Variants in STX19 observed in about 807,000 individuals in gnomAD.
The protein encoded by STX19 is syntaxin-19.
A neutral mutation model predicts 24.3 loss-of-function variants in STX19; 26 were observed. The ratio of observed to expected loss-of-function variants is 1.07; its 90% confidence interval spans 0.78 to 1.48. STX19 has a LOEUF of 1.48. Ranked by LOEUF, STX19 falls within the 40% of genes most tolerant of loss-of-function variation. STX19 has a pLI of 0.00. For missense variants in STX19, 367 were observed against 331.9 expected (o/e 1.11, Z -0.82); for synonymous variants, 116 against 106.9 (o/e 1.09, Z -0.52).
At chr3:94,026,175 A>G (rs1212119802) in intron 1 of STX19, among the ~76,000 whole-genome samples, 1 of 152,022 alleles carries the variant, frequency 6.6e-6, no homozygotes, top group Non-Finnish European at 1.5e-5. Flanking sequence ...GCCCGCCACC[A>G]CACCCGACTA....
At chr3:94,019,638 G>A (rs1377744185) in intron 1 of STX19, among the ~76,000 whole-genome samples, 1 of 146,602 alleles carries the variant, frequency 6.8e-6, no homozygotes, top group Admixed American at 7.0e-5. Flanking sequence ...GAGTTAAAAT[G>A]TAGGTCAGAC....
chr3:94,015,538 C>G (rs991866942), intron 1 of STX19, among the ~76,000 whole-genome samples: 1 of 152,120 alleles, frequency 6.6e-6, no homozygotes, highest in Admixed American at 6.5e-5. Context: ...AGCAGTGATG[C>G]AGACACAGTT....
chr3:94,016,476 T>C (rs2076335550), intron 1 of STX19, among the ~76,000 whole-genome samples: 1 of 152,104 alleles, frequency 6.6e-6, no homozygotes, highest in South Asian at 2.1e-4. Flanking sequence ...GATTCAAATA[T>C]TAAAATAGTG....
At chr3:94,025,748 A>G (rs993990780) in intron 1 of STX19, among the ~76,000 whole-genome samples, 3 of 152,122 alleles carry the variant, frequency 2.0e-5, no homozygotes, top group Non-Finnish European at 2.9e-5. Flanking sequence ...ATTTTTCTCT[A>G]GTGATTTTTA....
chr3:94,022,050 A>T (rs2076460437), intron 1 of STX19, among the ~76,000 whole-genome samples: 1 of 152,048 alleles, frequency 6.6e-6, no homozygotes, highest in African/African-American at 2.4e-5. Context: ...TCAGCTCCTT[A>T]GCTATATGTT....
chr3:94,024,083 G>C (rs559332659), intron 1 of STX19, among the ~76,000 whole-genome samples: 145 of 152,178 alleles, frequency 9.5e-4, no homozygotes, highest in South Asian at 2.5e-3. Flanking sequence ...CCAAATTTCT[G>C]TTTCCTTCTC....
chr3:94,024,658 T>A (rs976630012), intron 1 of STX19, among the ~76,000 whole-genome samples: 1 of 152,184 alleles, frequency 6.6e-6, no homozygotes, highest in Non-Finnish European at 1.5e-5. Flanking sequence ...CAATTGCGGC[T>A]CACTGCAGCC....
At position 94,014,650 on chromosome 3, in the gene STX19, G is replaced by A. The variant is rs1305517992; in HGVS notation, c.620C>T (p.Ala207Val). ...TCTCTGTTCAATCTCTGAAAGTTGT[G>A]CTTTAGTGATATTGATTTCTGTAAG... ...SLLTEINITKAQLSEIEQRHK... is the reference protein window; with the variant it reads ...SLLTEINITKVQLSEIEQRHK... Residue 207 changes from alanine (A) to valine (V), a missense_variant, in exon 2 of 2, where the codon GCA (alanine) becomes GTA (valine). Ala to Val is a moderately conservative substitution (Grantham distance 64, BLOSUM62 0). Transcript: ENST00000315099. 15 of 1,613,534 alleles carry A rather than the reference G, an allele frequency of 9.3e-6. No homozygotes were observed. The South Asian group carries it at 1.4e-4, about 15-fold the overall frequency.
intron 1 of STX19, among the ~76,000 whole-genome samples, chr3:94,016,028 GTAA>G (rs1481789601): frequency 3.3e-5 from 5 of 152,018 alleles, no homozygotes; most frequent in Non-Finnish European, 5.9e-5. Flanking sequence ...TATTTTAGGA[GTAA>G]TAATGATATT....
chr3:94,016,545 T>A lies in STX19; in HGVS notation c.-13-1263A>T, dbSNP rs569425847. Reference sequence around the variant, plus strand: ...TTAACAGGAATAGATTTAAAATATTTCATCTAGCTATAAGAAAAATATTTT... The same window carrying A: ...TTAACAGGAATAGATTTAAAATATTACATCTAGCTATAAGAAAAATATTTT... On this transcript the variant is annotated intron_variant, in intron 1 of 1. Coordinates refer to ENST00000315099, the MANE Select transcript of STX19 (RefSeq NM_001001850.3). 2.0e-5 allele frequency among the ~76,000 whole-genome samples: 3 copies of A among 152,224 alleles called. No individual in the cohort carries two copies. The East Asian group carries it at 5.8e-4, about 29-fold the overall frequency.
At chr3:94,016,450 TG>T in intron 1 of STX19, among the ~76,000 whole-genome samples, 1 of 152,238 alleles carries the variant, frequency 6.6e-6, no homozygotes, top group South Asian at 2.1e-4. Flanking sequence ...TTTAGTATGT[TG>T]AAGTACAGGG....
chr3:94,024,996 T>G (rs182936826), intron 1 of STX19, among the ~76,000 whole-genome samples: 1 of 152,178 alleles, frequency 6.6e-6, no homozygotes, highest in Non-Finnish European at 1.5e-5. Flanking sequence ...TGGAGCACAG[T>G]GTACACAGGC....
chr3:94,015,372 G>C (rs988138402), intron 1 of STX19, 90 bp from the exon 2 acceptor site: 3 of 928,962 alleles, frequency 3.2e-6, no homozygotes, highest in Non-Finnish European at 4.5e-6. Flanking sequence ...CTATATCCCA[G>C]CAAAAGTTCT....
At chr3:94,022,887 A>ACCTGCT (rs2076479054) in intron 1 of STX19, among the ~76,000 whole-genome samples, 1 of 152,050 alleles carries the variant, frequency 6.6e-6, no homozygotes, top group Non-Finnish European at 1.5e-5. Context: ...AATTTTGTAC[A>ACCTGCT]TACATCACTA....
At chr3:94,023,353 A>G (rs2076488881) in intron 1 of STX19, among the ~76,000 whole-genome samples, 1 of 151,986 alleles carries the variant, frequency 6.6e-6, no homozygotes, top group Admixed American at 6.6e-5. Flanking sequence ...CTTTCATGAA[A>G]TTCTTGACCT....
In STX19 at chr3:94,014,932, A is replaced by G; in HGVS notation, c.338T>C (p.Val113Ala). Residue 113 changes from valine to alanine, a missense_variant, in exon 2 of 2, where the codon GTT becomes GCT. By Grantham distance (64) the Val-to-Ala change is moderately conservative (BLOSUM62 0). Transcript: ENST00000315099. ...EYINRSLNDL[V>A]KEVKKSEVEN... ...AACCTCTGACTTTTTAACTTCTTTAACTAAATCATTCAAACTTCTGTTGAT... is the reference window on the plus strand; with the variant it reads ...AACCTCTGACTTTTTAACTTCTTTAGCTAAATCATTCAAACTTCTGTTGAT... The G allele has an allele frequency of 6.2e-7, 1 of 1,613,596 alleles. No homozygotes were observed. Among genetic ancestry groups the G allele is most frequent in the Non-Finnish European group, 8.5e-7 (1 of 1,179,866 alleles).
chr3:94,020,616 C>CTGTT (rs1259078467), intron 1 of STX19, among the ~76,000 whole-genome samples: 1 of 152,100 alleles, frequency 6.6e-6, no homozygotes, highest in Non-Finnish European at 1.5e-5. Flanking sequence ...ACCTTGAAAT[C>CTGTT]TGTTTGTGTC....
At chr3:94,022,364 G>A (rs2076466415) in intron 1 of STX19, among the ~76,000 whole-genome samples, 1 of 152,006 alleles carries the variant, frequency 6.6e-6, no homozygotes, top group Non-Finnish European at 1.5e-5. Flanking sequence ...AACCTCAAGT[G>A]ATCCACCCGC....
Position 94,014,512 on chromosome 3 carries a change from G to A in STX19, c.758C>T (p.Thr253Ile). Residue 253 changes from threonine (T) to isoleucine (I), a missense_variant, in exon 2 of 2, where the codon ACA becomes ATA. Transcript: ENST00000315099. ...QGESINNIEM[T>I]VNSTKEYVNN... ...AACATACTCTTTTGTACTATTCACT[G>A]TCATTTCAATATTGTTGATGCTCTC... 4 of 1,612,006 alleles carry A rather than the reference G, an allele frequency of 2.5e-6. No homozygotes were observed. The highest frequency in any genetic ancestry group is 2.2e-5 in the East Asian group (1 of 44,818).
Sources: gnomAD v4.1 joint callset for allele counts (sites outside exome capture counted in the v4.1 genomes callset) on GRCh38, gnomAD v4.1.1 for gene constraint, MANE v1.5 for transcripts, NCBI Gene and HGNC (gene_info 2026-07-23, HGNC 2026-07-21) for gene names.